The following POM121 variants were observed in gnomAD, a reference collection of about 807,000 sequenced individuals.
POM121 encodes the protein POM121 transmembrane nucleoporin.
Under a neutral mutation model 81.3 loss-of-function variants are expected in POM121, and 32 were observed. That is an observed-to-expected ratio of 0.39 (90% CI 0.30 to 0.53). POM121 has a LOEUF of 0.53. POM121 is among the 20% of genes least tolerant of loss of function. POM121 has a pLI of 0.66. For missense variants in POM121, 1,138 were observed against 1,614.6 expected (o/e 0.70, Z 5.06); for synonymous variants, 514 against 694.2 (o/e 0.74, Z 4.08).
chr7:72,912,149 T>TC (rs1433877900), intron 3 of POM121, among the ~76,000 whole-genome samples: 1 of 152,164 alleles, frequency 6.6e-6, no homozygotes, highest in Non-Finnish European at 1.5e-5. Flanking sequence ...CTCTTTGGCC[T>TC]CCCAAAGTGC....
chr7:72,881,815 G>A (rs1554489334), intron 1 of POM121, among the ~76,000 whole-genome samples: 3 of 152,046 alleles, frequency 2.0e-5, no homozygotes, highest in African/African-American at 7.2e-5. Flanking sequence ...ATTTTTAGAA[G>A]AGATGGGGTT....
At chr7:72,914,733 G>T (rs1794137630) in intron 4 of POM121, among the ~76,000 whole-genome samples, 1 of 152,104 alleles carries the variant, frequency 6.6e-6, no homozygotes, top group Admixed American at 6.5e-5. Flanking sequence ...GTGGTGGTAG[G>T]TGCACTGTCA....
rs147873143 is a variant in POM121, at chr7:72,941,643, G to A, written c.1844-194G>A. On this transcript the variant is annotated intron_variant, in intron 10 of 12. Transcript: ENST00000434423. ...TTTAGGCCCCATTTTATCCCCTTCTGTCTGATGATCTGTGAGGTAGAAATA... is the reference window on the plus strand; with the variant it reads ...TTTAGGCCCCATTTTATCCCCTTCTATCTGATGATCTGTGAGGTAGAAATA... Among the ~76,000 whole-genome samples, 975 of 151,940 alleles carry A rather than the reference G, an allele frequency of 6.4e-3. 3 individuals carry two copies. Among genetic ancestry groups the A allele is most frequent in the Admixed American group, 0.013 (200 of 15,278 alleles).
chr7:72,899,427 A>G (rs1448883024), intron 3 of POM121, among the ~76,000 whole-genome samples: 3 of 152,118 alleles, frequency 2.0e-5, no homozygotes, highest in Non-Finnish European at 4.4e-5. Context: ...CCCAGCAAAT[A>G]TTTGACAAAT....
chr7:72,914,155 G>C (rs1259592845), intron 4 of POM121, among the ~76,000 whole-genome samples: 1 of 152,208 alleles, frequency 6.6e-6, no homozygotes, highest in Non-Finnish European at 1.5e-5. Flanking sequence ...GCCCAAACCA[G>C]CCCAAATGGG....
chr7:72,918,045 C>T (rs1348090696), intron 4 of POM121, among the ~76,000 whole-genome samples: 36 of 152,160 alleles, frequency 2.4e-4, no homozygotes, highest in African/African-American at 8.0e-4. Context: ...ACTTTTAGTA[C>T]TTTCACTAAT....
chr7:72,923,322 T>A (rs1795005607), upstream of POM121, among the ~76,000 whole-genome samples: 1 of 152,108 alleles, frequency 6.6e-6, no homozygotes, highest in Non-Finnish European at 1.5e-5. Flanking sequence ...ACTGAACAAT[T>A]CCATCTCTGG....
Position 72,945,794 on chromosome 7 carries a change from G to C in POM121, c.3652+86G>C, listed in dbSNP as rs237934. 11,813 of 1,517,110 alleles carry C rather than the reference G, an allele frequency of 7.8e-3. 111 individuals carry two copies. Among genetic ancestry groups the C allele is most frequent in the African/African-American group, 0.015 (1,117 of 72,226 alleles). 94.0% of individuals were successfully genotyped at this position (1,517,110 alleles called of 1,614,324 possible). On this transcript the variant is annotated intron_variant, in intron 12 of 12. Coordinates refer to ENST00000434423, the MANE Select transcript of POM121 (RefSeq NM_001387691.1). Reference sequence around the variant, plus strand: ...GCAGGTTCCTGGTCCTCTGAGGCCCGGTGAAGATCAGGTTCAGCACAGGAA... The same window carrying C: ...GCAGGTTCCTGGTCCTCTGAGGCCCCGTGAAGATCAGGTTCAGCACAGGAA...
At chr7:72,901,673 T>C (rs1242011462) in intron 3 of POM121, among the ~76,000 whole-genome samples, 1 of 151,612 alleles carries the variant, frequency 6.6e-6, no homozygotes, top group Non-Finnish European at 1.5e-5. Flanking sequence ...TAATTTTTTA[T>C]TTTTAGTTTT....
At chr7:72,931,464 C>T (rs1554498596) in intron 5 of POM121, among the ~76,000 whole-genome samples, 3 of 151,776 alleles carry the variant, frequency 2.0e-5, no homozygotes, top group Admixed American at 6.6e-5. Context: ...ATTCCAAATT[C>T]AAATTTATGA....
At chr7:72,935,975 A>G (rs1351764517) in intron 5 of POM121, among the ~76,000 whole-genome samples, 7 of 151,106 alleles carry the variant, frequency 4.6e-5, no homozygotes, top group African/African-American at 7.3e-5. Context: ...TTCCTCTGCA[A>G]TCTTATTCTG....
chr7:72,926,129 C>T (rs563358786), intron 1 of POM121, 133 bp from the exon 2 acceptor site: 2 of 975,482 alleles, frequency 2.1e-6, no homozygotes, highest in East Asian at 2.6e-5. Flanking sequence ...GCCATAAAAA[C>T]ACCGTGTTCT....
At chr7:72,948,520 C>CTT (rs1797859184), downstream of POM121, 1 of 1,613,282 alleles carries the variant, frequency 6.2e-7, no homozygotes, top group African/African-American at 1.3e-5. Flanking sequence ...CCGGCTGCAG[C>CTT]TTTTTGCTCT....
At chr7:72,921,242 T>A (rs1188357716), upstream of POM121, among the ~76,000 whole-genome samples, 1 of 152,152 alleles carries the variant, frequency 6.6e-6, no homozygotes, top group African/African-American at 2.4e-5. Flanking sequence ...AATGCCTTTA[T>A]AGACACACCC....
intron 1 of POM121, among the ~76,000 whole-genome samples, chr7:72,883,527 T>A (rs1286472509): frequency 6.6e-6 from 1 of 152,146 alleles, no homozygotes; most frequent in African/African-American, 2.4e-5. Context: ...GGCAGTTGGG[T>A]TAAATCTTTT....
intron 3 of POM121, among the ~76,000 whole-genome samples, chr7:72,894,287 A>G (rs1586078184): frequency 7.2e-6 from 1 of 139,290 alleles, no homozygotes; most frequent in African/African-American, 2.9e-5. Context: ...TAAATAAATA[A>G]AGACTCTAGG....
intron 5 of POM121, among the ~76,000 whole-genome samples, chr7:72,933,384 T>A (rs1796212605): frequency 6.6e-6 from 1 of 152,178 alleles, no homozygotes; most frequent in South Asian, 2.1e-4. Flanking sequence ...TTTTGTCTCT[T>A]ATGAGTAGTT....
intron 12 of POM121, 94 bp from the exon 13 acceptor site, chr7:72,946,043 T>C (rs1310206670): frequency 1.3e-6 from 2 of 1,524,418 alleles, no homozygotes; most frequent in Admixed American, 2.2e-5. Flanking sequence ...CACCCTGTGT[T>C]TTATTACTGG....
chr7:72,881,600 GC>G lies in POM121; in HGVS notation c.-521+1716del, dbSNP rs564873776. On this transcript the variant is annotated intron_variant, in intron 1 of 15. Coordinates refer to the POM121 transcript ENST00000395270. ...ATGTTCCTCAATTTTATTTTATGAT[GC>G]ATTTTAAGAGGTTTGTAAGGATTCA... 7.2e-3 allele frequency among the ~76,000 whole-genome samples: 1,091 copies of G among 151,794 alleles called. 9 individuals carry two copies. Among genetic ancestry groups the G allele is most frequent in the Middle Eastern group, 0.014 (4 of 292 alleles).
Sources: gnomAD v4.1 joint callset for allele counts (sites outside exome capture counted in the v4.1 genomes callset) on GRCh38, gnomAD v4.1.1 for gene constraint, MANE v1.5 for transcripts, NCBI Gene and HGNC (gene_info 2026-07-23, HGNC 2026-07-21) for gene names.